PDE4D: variants seen among roughly 807,000 people sequenced by gnomAD.
PDE4D encodes the protein phosphodiesterase 4D, also known as 3',5'-cyclic-AMP phosphodiesterase 4D.
A neutral mutation model predicts 87.4 loss-of-function variants in PDE4D; 24 were observed. The observed-to-expected ratio is 0.27, with a 90% CI of 0.20 to 0.39. The LOEUF (loss-of-function observed/expected upper bound fraction) is 0.39, where lower values mean the gene tolerates loss of function less well. PDE4D is among the 10% of genes least tolerant of loss of function. The pLI is 1.00. For missense variants in PDE4D, 714 were observed against 1,041.0 expected, an observed-to-expected ratio of 0.69 and a Z score of 4.32; for synonymous variants, 384 against 383.2, an observed-to-expected ratio of 1.00 and a Z score of -0.02.
intron 5 of PDE4D, among the ~76,000 whole-genome samples, chr5:59,111,426 A>G (rs183730005): frequency 2.1e-3 from 313 of 152,314 alleles, no homozygotes; most frequent in Non-Finnish European, 3.9e-3. Context: ...GAGATCATAG[A>G]AAGCTATTTA....
chr5:59,162,527 T>C (rs1781251222), intron 5 of PDE4D, among the ~76,000 whole-genome samples: 1 of 152,100 alleles, frequency 6.6e-6, no homozygotes, highest in Non-Finnish European at 1.5e-5. Context: ...TAATCAATTT[T>C]TCATTTTAAA....
chr5:59,742,966 T>C (rs1759077608), intron 1 of PDE4D, among the ~76,000 whole-genome samples: 1 of 152,166 alleles, frequency 6.6e-6, no homozygotes, highest in African/African-American at 2.4e-5. Context: ...CTTAGCACAC[T>C]GCAAACAAAA....
chr5:60,110,705 T>C (rs561480599), intron 2 of PDE4D, among the ~76,000 whole-genome samples: 1 of 152,264 alleles, frequency 6.6e-6, no homozygotes, highest in East Asian at 1.9e-4. Flanking sequence ...TCTACCATCA[T>C]GTTTATTGCG....
At chr5:59,824,425 C>T (rs910562609) in intron 1 of PDE4D, among the ~76,000 whole-genome samples, 1 of 152,094 alleles carries the variant, frequency 6.6e-6, no homozygotes, top group African/African-American at 2.4e-5. Context: ...GGGACCTTTC[C>T]GGTCTTGTTC....
intron 13 of PDE4D, 35 bp downstream of exon 13, chr5:58,976,315 A>G (rs779858901): frequency 6.2e-7 from 1 of 1,606,900 alleles, no homozygotes; most frequent in Non-Finnish European, 8.5e-7. Flanking sequence ...GTGCACAGAC[A>G]CACACACACA....
chr5:60,401,086 C>G (rs1400168166), intron 1 of PDE4D, among the ~76,000 whole-genome samples: 2 of 152,092 alleles, frequency 1.3e-5, no homozygotes, highest in Non-Finnish European at 2.9e-5. Flanking sequence ...CTTGGTACTG[C>G]TATGGAGTCC....
At chr5:59,264,391 A>G (rs904313575) in intron 1 of PDE4D, among the ~76,000 whole-genome samples, 1 of 152,072 alleles carries the variant, frequency 6.6e-6, no homozygotes, top group African/African-American at 2.4e-5. Context: ...GGGATTTCAC[A>G]TATATTTCTA....
At chr5:59,961,877 T>A (rs1171720337) in intron 3 of PDE4D, among the ~76,000 whole-genome samples, 1 of 152,160 alleles carries the variant, frequency 6.6e-6, no homozygotes, top group Non-Finnish European at 1.5e-5. Flanking sequence ...TCTGGGGCGG[T>A]GCCCTGGCAA....
chr5:60,268,149 T>C (rs113983995), intron 1 of PDE4D, among the ~76,000 whole-genome samples: 2,133 of 152,140 alleles, frequency 0.014, 25 homozygotes, highest in Middle Eastern at 0.034. Flanking sequence ...GTTACCACCA[T>C]AGTCAAGGTC....
At chr5:60,367,578 G>C (rs886709910) in intron 1 of PDE4D, among the ~76,000 whole-genome samples, 3 of 151,614 alleles carry the variant, frequency 2.0e-5, no homozygotes, top group Admixed American at 2.0e-4. Context: ...GTTTCCACAA[G>C]CTGCCCAGTC....
At chr5:59,784,063 A>C (rs991747425) in intron 1 of PDE4D, among the ~76,000 whole-genome samples, 2 of 152,052 alleles carry the variant, frequency 1.3e-5, no homozygotes, top group Non-Finnish European at 2.9e-5. Context: ...TCTCAAAAAT[A>C]AAAAAATAAA....
At chr5:59,566,410 A>G (rs1583150466) in intron 1 of PDE4D, among the ~76,000 whole-genome samples, 2 of 152,114 alleles carry the variant, frequency 1.3e-5, no homozygotes, top group African/African-American at 4.8e-5. Context: ...TGCAAATCAC[A>G]GCCTGAACTA....
At chr5:60,065,955 TGGGATGGCA>T (rs746070006) in intron 2 of PDE4D, among the ~76,000 whole-genome samples, 1 of 152,208 alleles carries the variant, frequency 6.6e-6, no homozygotes, top group Non-Finnish European at 1.5e-5. Context: ...TACCCAGTAA[TGGGATGGCA>T]GGGTCAAATG....
At chr5:59,566,631 TC>T (rs1408415302) in intron 1 of PDE4D, among the ~76,000 whole-genome samples, 1 of 150,794 alleles carries the variant, frequency 6.6e-6, no homozygotes, top group Non-Finnish European at 1.5e-5. Flanking sequence ...ATGCATGTCT[TC>T]CCCAGTTAAT....
chr5:60,269,626 A>C (rs777918322), intron 1 of PDE4D, among the ~76,000 whole-genome samples: 2 of 152,314 alleles, frequency 1.3e-5, no homozygotes, highest in Non-Finnish European at 2.9e-5. Flanking sequence ...AGAACTAGGG[A>C]TCTATTGTAC....
chr5:59,748,306 T>C (rs996625377), intron 1 of PDE4D, among the ~76,000 whole-genome samples: 2 of 152,148 alleles, frequency 1.3e-5, no homozygotes, highest in Non-Finnish European at 2.9e-5. Context: ...ACTGGGTACA[T>C]ACCCAAAGGA....
chr5:60,197,610 G>A (rs188718222), intron 1 of PDE4D, among the ~76,000 whole-genome samples: 35 of 151,590 alleles, frequency 2.3e-4, no homozygotes, highest in African/African-American at 8.4e-4. Context: ...GGCTTCAGTA[G>A]AACAACTTTT....
chr5:60,169,315 A>G (rs998592796), intron 2 of PDE4D, among the ~76,000 whole-genome samples: 2 of 152,120 alleles, frequency 1.3e-5, no homozygotes, highest in Non-Finnish European at 2.9e-5. Context: ...AAAAAGATCA[A>G]CTACATTTTT....
At chr5:60,439,725 C>G (rs1745042236) in intron 1 of PDE4D, among the ~76,000 whole-genome samples, 1 of 152,094 alleles carries the variant, frequency 6.6e-6, no homozygotes. Flanking sequence ...CCACCCACCT[C>G]TCTCCATCTC....
Sources: gnomAD v4.1 joint callset for allele counts (sites outside exome capture counted in the v4.1 genomes callset) on GRCh38, gnomAD v4.1.1 for gene constraint, MANE v1.5 for transcripts, NCBI Gene and HGNC (gene_info 2026-07-23, HGNC 2026-07-21) for gene names.